ZNF205: variants seen among roughly 807,000 people sequenced by gnomAD.
ZNF205 encodes the protein transcriptional repressor RHIT.
ZNF205 carries 32 observed loss-of-function variants against 53.6 expected under a neutral mutation model. The observed-to-expected ratio is 0.60, with a 90% CI of 0.45 to 0.80. The LOEUF (loss-of-function observed/expected upper bound fraction) is 0.80, where lower values mean the gene tolerates loss of function less well. ZNF205 is among the 30% of genes least tolerant of loss of function. The probability of loss-of-function intolerance (pLI) is 0.00; values close to 1 mark genes in which losing one functional copy is unlikely to be tolerated. For synonymous variants in ZNF205, 382 were observed against 334.3 expected (o/e 1.14, Z -1.56); for missense variants, 836 against 782.4 (o/e 1.07, Z -0.82).
intron 4 of ZNF205, 146 bp downstream of exon 4, chr16:3,116,066 C>G (rs1335390548): frequency 2.1e-6 from 2 of 952,580 alleles, no homozygotes; most frequent in Non-Finnish European, 3.2e-6. Flanking sequence ...ATTGTCCAGG[C>G]TCAAGGCCCA....
In ZNF205 at chr16:3,119,832, C is replaced by A; in HGVS notation, c.1172C>A (p.Pro391His). Residue 391 changes from proline (P) to histidine (H), a missense_variant, in exon 7 of 7, where the codon CCC (proline) becomes CAC (histidine). By Grantham distance (77) the Pro-to-His change is moderately conservative (BLOSUM62 -2). Transcript: ENST00000219091. ...CAGCGCATCCACACCGGAGAGAAGCCCTACGTGTGCGACCGCTGCGCCAAG... is the reference window on the plus strand; with the variant it reads ...CAGCGCATCCACACCGGAGAGAAGCACTACGTGTGCGACCGCTGCGCCAAG... ...QHQRIHTGEKPYVCDRCAKRF... is the reference protein window; with the variant it reads ...QHQRIHTGEKHYVCDRCAKRF... 1 of 1,613,592 alleles carries A rather than the reference C, an allele frequency of 6.2e-7. No individual in the cohort carries two copies. The highest frequency in any genetic ancestry group is 8.5e-7 in the Non-Finnish European group (1 of 1,179,862).
At chr16:3,117,360 T>A (rs1054879949) in intron 5 of ZNF205, among the ~76,000 whole-genome samples, 4 of 151,632 alleles carry the variant, frequency 2.6e-5, no homozygotes, top group Admixed American at 6.6e-5. Flanking sequence ...GGGTGTCCCA[T>A]CTGCTTTGAG....
intron 2 of ZNF205, chr16:3,115,097 C>G: frequency 3.0e-6 from 1 of 338,726 alleles, no homozygotes; most frequent in Non-Finnish European, 5.3e-6. Context: ...GTCTACACTG[C>G]TGAGGTCAGT....
chr16:3,115,334 T>C (rs770870204), intron 2 of ZNF205, 21 bp from the exon 3 acceptor site: 18 of 1,544,340 alleles, frequency 1.2e-5, no homozygotes, highest in Non-Finnish European at 1.4e-5. Flanking sequence ...ATCTGGGTGC[T>C]GATGGGGCTG....
intron 4 of ZNF205, 173 bp from the exon 5 acceptor site, chr16:3,116,254 A>G (rs973473884): frequency 1.3e-5 from 11 of 875,368 alleles, no homozygotes; most frequent in African/African-American, 1.0e-4. Flanking sequence ...TTCTTTCTCA[A>G]CTCCCCAGAA....
intron 2 of ZNF205, 165 bp from the exon 3 acceptor site, chr16:3,115,190 C>A: frequency 2.0e-6 from 1 of 504,376 alleles, no homozygotes; most frequent in Non-Finnish European, 3.1e-6. Context: ...GAATATTCCT[C>A]CTCTTGCCGC....
Position 3,119,246 on chromosome 16 carries a change from C to T in ZNF205, c.596-10C>T. The T allele has an allele frequency of 6.4e-7, 1 of 1,565,100 alleles. No individual in the cohort carries two copies. Among genetic ancestry groups the T allele is most frequent in the Non-Finnish European group, 8.7e-7 (1 of 1,153,854 alleles). ...CTCGTCCCTAGCTGGAAACGACTTT[C>T]TTTTTCCAGGAGCCGTCGAGGTGGG... On this transcript the variant is annotated splice_polypyrimidine_tract_variant and intron_variant, in intron 6 of 6. Transcript: ENST00000219091.
Position 3,117,331 on chromosome 16 carries a change from C to G in ZNF205, c.484+784C>G, listed in dbSNP as rs374843314. On this transcript the variant is annotated intron_variant, in intron 5 of 6. Transcript: ENST00000219091. ...AGAGAGATGGCATGAACTGAACTCC[C>G]CAGGCCCCGCAGACCCTTGGGTGTC... Among the ~76,000 whole-genome samples the G allele has an allele frequency of 1.9e-3, 292 of 152,074 alleles. 4 individuals are homozygous for G. Among genetic ancestry groups the G allele is most frequent in the African/African-American group, 6.6e-3 (273 of 41,516 alleles).
intron 4 of ZNF205, 137 bp downstream of exon 4, chr16:3,116,057 T>C (rs185190305): frequency 8.1e-5 from 82 of 1,010,152 alleles, no homozygotes; most frequent in Admixed American, 7.7e-4. Flanking sequence ...GTTGCTGGAA[T>C]TGTCCAGGCT....
rs139893783 is a variant in ZNF205, at chr16:3,117,442, CTTTTTTT to C, written c.484+913_484+919del. Among the ~76,000 whole-genome samples, 257 of 73,170 alleles carry C rather than the reference CTTTTTTT, an allele frequency of 3.5e-3. 7 individuals are homozygous for C. Among genetic ancestry groups the C allele is most frequent in the Middle Eastern group, 0.014 (1 of 70 alleles). 48.0% of individuals were successfully genotyped at this position (73,170 alleles called of 152,430 possible). On this transcript the variant is annotated intron_variant, in intron 5 of 6. Coordinates refer to ENST00000219091, the MANE Select transcript of ZNF205 (RefSeq NM_001042428.2). Reference sequence around the variant, plus strand: ...GATGTTAAGTATTTAAGTCCCAGAGCTTTTTTTTTTTTTTTTTTTTTTTTGAAACACA... The same window carrying C: ...GATGTTAAGTATTTAAGTCCCAGAGCTTTTTTTTTTTTTTTTTGAAACACA...
Position 3,120,424 on chromosome 16 carries a change from G to T in ZNF205, c.*99G>T. The T allele has an allele frequency of 1.5e-6, 2 of 1,322,706 alleles. No individual in the cohort carries two copies. The highest frequency in any genetic ancestry group is 1.5e-5 in the South Asian group (1 of 65,264). The allele number at this position is 1,322,706 out of a possible 1,614,324, so 81.9% of individuals were successfully genotyped here. ...GAGAGAGGGGCTCGGGAAGGGAGCTGGGGCGGTGAGGGCATGGGGTGAGGC... is the reference window on the plus strand; with the variant it reads ...GAGAGAGGGGCTCGGGAAGGGAGCTTGGGCGGTGAGGGCATGGGGTGAGGC... On this transcript the variant is annotated 3_prime_UTR_variant, in exon 7 of 7. Coordinates refer to ENST00000219091, the MANE Select transcript of ZNF205 (RefSeq NM_001042428.2).
rs752511345 is a variant in ZNF205, at chr16:3,119,695, C to G, written c.1035C>G (p.Phe345Leu). ...CCTGCACTGACTGCGGGAAGCGCTTCGGCCGCAGCTCGCACCTCATCCAGC... is the reference window on the plus strand; with the variant it reads ...CCTGCACTGACTGCGGGAAGCGCTTGGGCCGCAGCTCGCACCTCATCCAGC... ...PYACTDCGKR[F>L]GRSSHLIQHQ... is the part of the protein sequence containing the mutation. Residue 345 changes from phenylalanine (F) to leucine (L), a missense_variant, in exon 7 of 7, where the codon TTC becomes TTG. By Grantham distance (22) the Phe-to-Leu change is conservative (BLOSUM62 0). Transcript: ENST00000219091. 3.1e-6 allele frequency: 5 copies of G among 1,613,578 alleles called. No individual in the cohort carries two copies. In the South Asian group the frequency reaches 5.5e-5, roughly 18 times the overall value.
chr16:3,115,168 A>G (rs999972298), intron 2 of ZNF205, 187 bp from the exon 3 acceptor site: 45 of 428,102 alleles, frequency 1.1e-4, no homozygotes, highest in African/African-American at 8.9e-4. Context: ...GGCACTGTGG[A>G]GGCGGCTTGG....
intron 5 of ZNF205, 30 bp downstream of exon 5, chr16:3,116,577 G>A: frequency 1.2e-6 from 2 of 1,607,388 alleles, no homozygotes; most frequent in Non-Finnish European, 1.7e-6. Flanking sequence ...GGGGACTGGG[G>A]TGTTAGGGAG....
At chr16:3,117,055 A>C (rs934214017) in intron 5 of ZNF205, among the ~76,000 whole-genome samples, 2 of 152,188 alleles carry the variant, frequency 1.3e-5, no homozygotes, top group Non-Finnish European at 1.5e-5. Flanking sequence ...TGGCCTCCCA[A>C]AGTGCTGGGA....
In ZNF205 at chr16:3,119,275, G is replaced by A; in HGVS notation, c.615G>A (p.Gln205=). ...GACTGAVEVG[Q]RVQTSSVAAL... is the part of the protein sequence containing the mutation. ...TTCCAGGAGCCGTCGAGGTGGGGCA[G>A]AGGGTGCAGACCTCATCCGTGGCAG... The change falls in exon 7 of 7, where the codon CAG becomes CAA. Residue 205 remains glutamine (Q), a synonymous_variant. Coordinates refer to ENST00000219091, the MANE Select transcript of ZNF205 (RefSeq NM_001042428.2). 3.8e-6 allele frequency: 6 copies of A among 1,586,250 alleles called. No homozygotes were observed. Among genetic ancestry groups the A allele is most frequent in the African/African-American group, 1.4e-5 (1 of 73,926 alleles).
Position 3,116,431 on chromosome 16 carries a change from C to T in ZNF205, c.368C>T (p.Pro123Leu), listed in dbSNP as rs766518785. ...GGATGTTTCACATTGTTTCAGATGC[C>T]AGTGACTTTCGAGGATGTGGCCTTG... ...AALLTAWSQM[P>L]VTFEDVALYL... Residue 123 changes from proline (P) to leucine (L), a missense_variant, in exon 5 of 7, where the codon CCA becomes CTA. By Grantham distance (98) the Pro-to-Leu change is moderately conservative. Coordinates refer to ENST00000219091, the MANE Select transcript of ZNF205 (RefSeq NM_001042428.2). The T allele has an allele frequency of 2.5e-6, 4 of 1,614,012 alleles. No individual in the cohort carries two copies. The South Asian group carries it at 4.4e-5, about 18-fold the overall frequency.
At chr16:3,115,696 C>T in intron 3 of ZNF205, 128 bp downstream of exon 3, 1 of 1,382,838 alleles carries the variant, frequency 7.2e-7, no homozygotes, top group East Asian at 2.5e-5. Flanking sequence ...CCATGGCCCA[C>T]AGCCCCCTGG....
chr16:3,114,957 C>G (rs989337932), intron 2 of ZNF205: 4 of 159,562 alleles, frequency 2.5e-5, no homozygotes, highest in African/African-American at 9.6e-5. Context: ...ATCTCAAGAT[C>G]TTTAACTTAC....
Sources: gnomAD v4.1 joint callset for allele counts (sites outside exome capture counted in the v4.1 genomes callset) on GRCh38, gnomAD v4.1.1 for gene constraint, MANE v1.5 for transcripts, NCBI Gene and HGNC (gene_info 2026-07-23, HGNC 2026-07-21) for gene names.